The following FEM1B variants were observed in gnomAD, a reference collection of about 807,000 sequenced individuals.
FEM1B encodes protein fem-1 homolog B.
FEM1B carries 10 observed loss-of-function variants against 38.6 expected under a neutral mutation model. The observed-to-expected ratio is 0.26, with a 90% CI of 0.16 to 0.44. The LOEUF is 0.44. FEM1B is among the 20% of genes least tolerant of loss of function. FEM1B has a pLI of 1.00. For synonymous variants in FEM1B, 288 were observed against 288.0 expected, an observed-to-expected ratio of 1.00 and a Z score of 0.00; for missense variants, 471 against 786.7, an observed-to-expected ratio of 0.60 and a Z score of 4.80.
In FEM1B at chr15:68,278,084, C is replaced by T. The variant is rs1892679468; in HGVS notation, c.-334C>T. ...TAGCTCGGGCACGCGCCTGTCGCAT[C>T]CCGCAGGAAGGAGGGGTCCGGCCTG... On this transcript the variant is annotated 5_prime_UTR_variant, in exon 1 of 2. Transcript: ENST00000306917. The surrounding 1 kb of genome is among the most constrained non-coding windows in gnomAD (Gnocchi z 5.7). 3 of 256,610 alleles carry T rather than the reference C, an allele frequency of 1.2e-5. No homozygotes were observed. The highest frequency in any genetic ancestry group is 2.2e-5 in the Non-Finnish European group (3 of 134,778). 15.9% of individuals were successfully genotyped at this position (256,610 alleles called of 1,614,324 possible).
intron 1 of FEM1B, among the ~76,000 whole-genome samples, chr15:68,287,340 G>A (rs1031708542): frequency 6.6e-6 from 1 of 152,188 alleles, no homozygotes; most frequent in Admixed American, 6.5e-5. Context: ...AGTTTGGTGA[G>A]TTTTTTCCCT....
Position 68,291,296 on chromosome 15 carries a change from A to T in FEM1B, c.*54A>T. On this transcript the variant is annotated 3_prime_UTR_variant, in exon 2 of 2. Coordinates refer to ENST00000306917, the MANE Select transcript of FEM1B (RefSeq NM_015322.5). This position sits in a 1 kb window ranked among gnomAD's most constrained non-coding sequence, Gnocchi z 6.9. ...TGGTGCTAAAAAGTAAAGGACTTTT[A>T]ATCACAGACAGTAGAATTATGTGTT... The T allele has an allele frequency of 1.5e-6, 2 of 1,299,196 alleles. No homozygotes were observed. Among genetic ancestry groups the T allele is most frequent in the Non-Finnish European group, 2.1e-6 (2 of 936,414 alleles). 80.5% of individuals were successfully genotyped at this position (1,299,196 alleles called of 1,614,324 possible).
In FEM1B at chr15:68,284,929, C is replaced by T. The variant is rs1208226780; in HGVS notation, c.249-4678C>T. On this transcript the variant is annotated intron_variant, in intron 1 of 1. Transcript: ENST00000306917. This position sits in a 1 kb window ranked among gnomAD's most constrained non-coding sequence, Gnocchi z 4.4. ...CATCCATGTAAGATGTGACTTGCTG[C>T]TCCTTGCCTTCTGCCATGATTGTGA... Among the ~76,000 whole-genome samples, 1 of 152,198 alleles carries T rather than the reference C, an allele frequency of 6.6e-6. No individual in the cohort carries two copies. Among genetic ancestry groups the T allele is most frequent in the East Asian group, 1.9e-4 (1 of 5,198 alleles).
Position 68,289,547 on chromosome 15 carries a change from C to T in FEM1B, c.249-60C>T. On this transcript the variant is annotated intron_variant, in intron 1 of 1. Transcript: ENST00000306917. This position sits in a 1 kb window ranked among gnomAD's most constrained non-coding sequence, Gnocchi z 6.9. ...TTGGTCGGTGGGAGTGAATACATCC[C>T]TTAAACATATGTTAGGCTGTGGCCT... is the stretch of plus-strand genomic sequence containing the variant. 1.5e-6 allele frequency: 2 copies of T among 1,292,878 alleles called. No individual in the cohort carries two copies. The highest frequency in any genetic ancestry group is 2.2e-6 in the Non-Finnish European group (2 of 905,330). The allele number at this position is 1,292,878 out of a possible 1,614,324, so 80.1% of individuals were successfully genotyped here. A position where few individuals can be genotyped will look rare whatever the true frequency, so the allele number is the denominator to read the frequency against.
Position 68,277,746 on chromosome 15 carries a change from T to A in FEM1B, c.-672T>A, listed in dbSNP as rs1198827336. 1 of 152,218 alleles carries A rather than the reference T, an allele frequency of 6.6e-6. No homozygotes were observed. The highest frequency in any genetic ancestry group is 1.5e-5 in the Non-Finnish European group (1 of 68,096). 9.4% of individuals were successfully genotyped at this position (152,218 alleles called of 1,614,324 possible). On this transcript the variant is annotated 5_prime_UTR_variant, in exon 1 of 2. Transcript: ENST00000306917. ...CTTAGCGTCCCTCCCGCTCCCGCCC[T>A]CTCCTCCCGGCCCTGTCTGCGAAAG...
At position 68,291,055 on chromosome 15, in the gene FEM1B, C is replaced by A. The variant is rs761022409; in HGVS notation, c.1697C>A (p.Thr566Asn). ...IISLVEAGAHTDMTNKQNKTP... is the reference protein window; with the variant it reads ...IISLVEAGAHNDMTNKQNKTP... ...AGCCTAGTTGAAGCCGGAGCTCACACTGACATGACGAATAAACAGAATAAG... is the reference window on the plus strand; with the variant it reads ...AGCCTAGTTGAAGCCGGAGCTCACAATGACATGACGAATAAACAGAATAAG... The change falls in exon 2 of 2, where the codon ACT becomes AAT. Residue 566 changes from threonine to asparagine, a missense_variant. Transcript: ENST00000306917. This position sits in a 1 kb window ranked among gnomAD's most constrained non-coding sequence, Gnocchi z 6.9. 1 of 1,614,164 alleles carries A rather than the reference C, an allele frequency of 6.2e-7. No individual in the cohort carries two copies. Among genetic ancestry groups the A allele is most frequent in the Non-Finnish European group, 8.5e-7 (1 of 1,180,018 alleles).
rs772563011 is a variant in FEM1B, at chr15:68,290,012, T to C, written c.654T>C (p.His218=). The change falls in exon 2 of 2, where the codon CAT becomes CAC. Residue 218 remains histidine (H), a synonymous_variant. Transcript: ENST00000306917. This position sits in a 1 kb window ranked among gnomAD's most constrained non-coding sequence, Gnocchi z 9.7. ...KWRAAIVVNG[H]GMTPLKVAAE... is the part of the protein sequence containing the mutation. Reference sequence around the variant, plus strand: ...GTGCTGCTATAGTAGTGAATGGCCATGGGATGACGCCATTGAAAGTAGCTG... The same window carrying C: ...GTGCTGCTATAGTAGTGAATGGCCACGGGATGACGCCATTGAAAGTAGCTG... The C allele has an allele frequency of 1.3e-5, 21 of 1,614,112 alleles. No individual in the cohort carries two copies.
rs1892892399 is a variant in FEM1B, at chr15:68,295,300, AAG to A, written c.*4059_*4060del. 1 of 152,214 alleles carries A rather than the reference AAG, an allele frequency of 6.6e-6. No homozygotes were observed. The highest frequency in any genetic ancestry group is 2.4e-5 in the African/African-American group (1 of 41,450). 9.4% of individuals were successfully genotyped at this position (152,214 alleles called of 1,614,324 possible). On this transcript the variant is annotated 3_prime_UTR_variant, in exon 2 of 2. Coordinates refer to ENST00000306917, the MANE Select transcript of FEM1B (RefSeq NM_015322.5). ...GATGAATGGCCTAATCAGAAAAGTG[AAG>A]GAGCGAAGATGCAAGCTTGCCAAAT... is the stretch of plus-strand genomic sequence containing the variant.
In FEM1B at chr15:68,280,066, A is replaced by G. The variant is rs1461198085; in HGVS notation, c.248+1401A>G. 1 of 152,244 alleles carries G rather than the reference A, an allele frequency of 6.6e-6. No homozygotes were observed. Among genetic ancestry groups the G allele is most frequent in the Non-Finnish European group, 1.5e-5 (1 of 68,058 alleles). The allele number at this position is 152,244 out of a possible 1,614,324, so 9.4% of individuals were successfully genotyped here. A position where few individuals can be genotyped will look rare whatever the true frequency, so the allele number is the denominator to read the frequency against. ...TTGAGATATGAATTTCTGTAATAAC[A>G]GCTGCTTGGGAATACTGCTGCTGAG... is the stretch of plus-strand genomic sequence containing the variant. On this transcript the variant is annotated intron_variant, in intron 1 of 1. Transcript: ENST00000306917. The surrounding 1 kb of genome is among the most constrained non-coding windows in gnomAD (Gnocchi z 4.2).
In FEM1B at chr15:68,289,552, A is replaced by G. The variant is rs763344530; in HGVS notation, c.249-55A>G. ...CGGTGGGAGTGAATACATCCCTTAA[A>G]CATATGTTAGGCTGTGGCCTCTGTT... On this transcript the variant is annotated intron_variant, in intron 1 of 1. Coordinates refer to ENST00000306917, the MANE Select transcript of FEM1B (RefSeq NM_015322.5). The surrounding 1 kb of genome is among the most constrained non-coding windows in gnomAD (Gnocchi z 6.9). The G allele has an allele frequency of 7.5e-6, 10 of 1,331,158 alleles. No individual in the cohort carries two copies. Among genetic ancestry groups the G allele is most frequent in the African/African-American group, 1.4e-5 (1 of 69,362 alleles). 82.5% of individuals were successfully genotyped at this position (1,331,158 alleles called of 1,614,324 possible). A position where few individuals can be genotyped will look rare whatever the true frequency, so the allele number is the denominator to read the frequency against.
rs138980106 is a variant in FEM1B at position 68,289,986 on chromosome 15, C to A, written c.628C>A (p.Arg210Ser). 10 of 1,614,062 alleles carry A rather than the reference C, an allele frequency of 6.2e-6. No homozygotes were observed. Among genetic ancestry groups the A allele is most frequent in the Non-Finnish European group, 8.5e-6 (10 of 1,180,018 alleles). Residue 210 changes from arginine (R) to serine (S), a missense_variant, in exon 2 of 2, where the codon CGT becomes AGT. Coordinates refer to ENST00000306917, the MANE Select transcript of FEM1B (RefSeq NM_015322.5). This position sits in a 1 kb window ranked among gnomAD's most constrained non-coding sequence, Gnocchi z 6.9. ...IDIVKELIKW[R>S]AAIVVNGHGM... ...TATTGTGAAAGAGCTGATAAAATGGCGTGCTGCTATAGTAGTGAATGGCCA... is the reference window on the plus strand; with the variant it reads ...TATTGTGAAAGAGCTGATAAAATGGAGTGCTGCTATAGTAGTGAATGGCCA...
rs1251980214 is a variant in FEM1B, at chr15:68,293,685, A to G, written c.*2443A>G. On this transcript the variant is annotated 3_prime_UTR_variant, in exon 2 of 2. Coordinates refer to ENST00000306917, the MANE Select transcript of FEM1B (RefSeq NM_015322.5). This position sits in a 1 kb window ranked among gnomAD's most constrained non-coding sequence, Gnocchi z 5.8. ...TCTTGTAAAATCAATCCAAATGTGT[A>G]TTGTGAAACACCTGTATAAAATCAT... 3.7e-4 allele frequency: 57 copies of G among 152,194 alleles called. 1 individual carries two copies. Among genetic ancestry groups the G allele is most frequent in the Admixed American group, 3.7e-3 (57 of 15,286 alleles). The allele number at this position is 152,194 out of a possible 1,614,324, so 9.4% of individuals were successfully genotyped here.
At position 68,284,505 on chromosome 15, in the gene FEM1B, T is replaced by C. The variant is rs568964152; in HGVS notation, c.249-5102T>C. Among the ~76,000 whole-genome samples, 3 of 152,146 alleles carry C rather than the reference T, an allele frequency of 2.0e-5. No homozygotes were observed. The highest frequency in any genetic ancestry group is 7.2e-5 in the African/African-American group (3 of 41,396). On this transcript the variant is annotated intron_variant, in intron 1 of 1. Coordinates refer to ENST00000306917, the MANE Select transcript of FEM1B (RefSeq NM_015322.5). This position sits in a 1 kb window ranked among gnomAD's most constrained non-coding sequence, Gnocchi z 4.4. ...ATTTGTGCCTATTTTTGTTTTTAAT[T>C]ATATCTGTTTTTTTAGTGGAGGTAT...
Position 68,278,264 on chromosome 15 carries a change from G to C in FEM1B, c.-154G>C. On this transcript the variant is annotated 5_prime_UTR_variant, in exon 1 of 2. Coordinates refer to ENST00000306917, the MANE Select transcript of FEM1B (RefSeq NM_015322.5). The surrounding 1 kb of genome is among the most constrained non-coding windows in gnomAD (Gnocchi z 5.7). The stretch of plus-strand genomic sequence containing the variant: ...CCTCCTCTGCGTCTCCGCCTTCCCT[G>C]GGCCGCACTGCTGCCTGGGCGCGGC... 2.0e-6 allele frequency: 2 copies of C among 1,003,126 alleles called. No individual in the cohort carries two copies. The highest frequency in any genetic ancestry group is 2.8e-6 in the Non-Finnish European group (2 of 703,106). 62.1% of individuals were successfully genotyped at this position (1,003,126 alleles called of 1,614,324 possible).
Position 68,290,009 on chromosome 15 carries a change from C to T in FEM1B, c.651C>T (p.Gly217=). The T allele has an allele frequency of 1.9e-6, 3 of 1,614,206 alleles. No individual in the cohort carries two copies. Among genetic ancestry groups the T allele is most frequent in the South Asian group, 1.1e-5 (1 of 91,082 alleles). Residue 217 remains glycine (G), a synonymous_variant, in exon 2 of 2, where the codon GGC becomes GGT. Transcript: ENST00000306917. This position sits in a 1 kb window ranked among gnomAD's most constrained non-coding sequence, Gnocchi z 9.7. ...IKWRAAIVVN[G]HGMTPLKVAA... ...GGCGTGCTGCTATAGTAGTGAATGG[C>T]CATGGGATGACGCCATTGAAAGTAG...
chr15:68,285,646 C>T (rs1892776521), intron 1 of FEM1B, among the ~76,000 whole-genome samples: 1 of 149,614 alleles, frequency 6.7e-6, no homozygotes, highest in African/African-American at 2.4e-5. Flanking sequence ...TTTTCATATG[C>T]TTATGGGCCA....
In FEM1B at chr15:68,281,663, GCTGGAGTGCAGT is replaced by G. The variant is rs1241478055; in HGVS notation, c.248+2999_248+3010del. Among the ~76,000 whole-genome samples the G allele has an allele frequency of 2.0e-5, 3 of 152,166 alleles. No individual in the cohort carries two copies. The highest frequency in any genetic ancestry group is 4.4e-5 in the Non-Finnish European group (3 of 68,026). Reference sequence around the variant, plus strand: ...GACGGAGTCTCGCTCTGTCGCCGGGGCTGGAGTGCAGTGGCGCGATCTCGGCTCACTGCAAGC... The same window carrying G: ...GACGGAGTCTCGCTCTGTCGCCGGGGGGCGCGATCTCGGCTCACTGCAAGC... On this transcript the variant is annotated intron_variant, in intron 1 of 1. Coordinates refer to ENST00000306917, the MANE Select transcript of FEM1B (RefSeq NM_015322.5). This position sits in a 1 kb window ranked among gnomAD's most constrained non-coding sequence, Gnocchi z 5.1.
chr15:68,278,088 C>T lies in FEM1B; in HGVS notation c.-330C>T. The T allele has an allele frequency of 3.8e-6, 1 of 263,282 alleles. No individual in the cohort carries two copies. The highest frequency in any genetic ancestry group is 7.2e-6 in the Non-Finnish European group (1 of 138,862). The allele number at this position is 263,282 out of a possible 1,614,324, so 16.3% of individuals were successfully genotyped here. Reference sequence around the variant, plus strand: ...TCGGGCACGCGCCTGTCGCATCCCGCAGGAAGGAGGGGTCCGGCCTGAGGC... The same window carrying T: ...TCGGGCACGCGCCTGTCGCATCCCGTAGGAAGGAGGGGTCCGGCCTGAGGC... On this transcript the variant is annotated 5_prime_UTR_variant, in exon 1 of 2. Transcript: ENST00000306917. The surrounding 1 kb of genome is among the most constrained non-coding windows in gnomAD (Gnocchi z 5.7).
At position 68,289,256 on chromosome 15, in the gene FEM1B, G is replaced by A. The variant is rs1892821402; in HGVS notation, c.249-351G>A. The A allele has an allele frequency of 4.8e-6, 1 of 208,930 alleles. No homozygotes were observed. Among genetic ancestry groups the A allele is most frequent in the African/African-American group, 2.3e-5 (1 of 42,898 alleles). 12.9% of individuals were successfully genotyped at this position (208,930 alleles called of 1,614,324 possible). A position where few individuals can be genotyped will look rare whatever the true frequency, so the allele number is the denominator to read the frequency against. On this transcript the variant is annotated intron_variant, in intron 1 of 1. Coordinates refer to ENST00000306917, the MANE Select transcript of FEM1B (RefSeq NM_015322.5). The surrounding 1 kb of genome is among the most constrained non-coding windows in gnomAD (Gnocchi z 6.9). ...GAAGGAGGAACATGCTGTTCTCCTA[G>A]TAACCAGTGAATCAACTTGGTGATG...
Sources: gnomAD v4.1 joint callset for allele counts (sites outside exome capture counted in the v4.1 genomes callset) on GRCh38, gnomAD v4.1.1 for gene constraint, Gnocchi (gnomAD v3.1) non-coding constraint, MANE v1.5 for transcripts, NCBI Gene and HGNC (gene_info 2026-07-23, HGNC 2026-07-21) for gene names.